The following KCP variants were observed in gnomAD, a reference collection of about 807,000 sequenced individuals.
KCP encodes kielin/chordin-like protein.
Under a neutral mutation model 212.7 loss-of-function variants are expected in KCP, and 194 were observed. The ratio of observed to expected loss-of-function variants is 0.91; its 90% CI spans 0.81 to 1.03. The LOEUF (loss-of-function observed/expected upper bound fraction) is 1.03, where lower values mean the gene tolerates loss of function less well. KCP is among the 50% of genes least tolerant of loss of function. The pLI is 0.00. For synonymous variants in KCP, 833 were observed against 865.3 expected, an observed-to-expected ratio of 0.96 and a Z score of 0.65; for missense variants, 2,080 against 2,162.5, an observed-to-expected ratio of 0.96 and a Z score of 0.76.
chr7:128,888,088 ACACATACC>A (rs1793810782), intron 22 of KCP, among the ~76,000 whole-genome samples: 1 of 147,326 alleles, frequency 6.8e-6, no homozygotes, highest in Non-Finnish European at 1.5e-5. Flanking sequence ...AGACACACAC[ACACATACC>A]CACATACACA....
Position 128,893,007 on chromosome 7 carries a change from C to T in KCP, c.1282G>A (p.Gly428Arg), listed in dbSNP as rs1415007508. Residue 428 changes from glycine (G) to arginine (R), a missense_variant, in exon 14 of 40, where the codon GGA (glycine) becomes AGA (arginine). By Grantham distance (125) the Gly-to-Arg change is moderately radical. Transcript: ENST00000610776. ...TGGACTCCCTCAGCAAACTCCTCTC[C>T]ATCCAGCTCACAGGCTGTAGTAAGG... ...RQLCPACELD[G>R]EEFAEGVQWE... 1 of 954,466 alleles carries T rather than the reference C, an allele frequency of 1.0e-6. No homozygotes were observed. The highest frequency in any genetic ancestry group is 1.7e-6 in the Non-Finnish European group (1 of 601,404). The allele number at this position is 954,466 out of a possible 1,614,324, so 59.1% of individuals were successfully genotyped here. A position where few individuals can be genotyped will look rare whatever the true frequency, so the allele number is the denominator to read the frequency against.
chr7:128,909,434 C>A (rs1448720588), intron 1 of KCP, among the ~76,000 whole-genome samples: 1 of 152,156 alleles, frequency 6.6e-6, no homozygotes, highest in Non-Finnish European at 1.5e-5. Context: ...CCCACTGTCA[C>A]CATCAAAGGC....
intron 22 of KCP, among the ~76,000 whole-genome samples, chr7:128,888,503 C>A (rs1217543947): frequency 1.3e-5 from 2 of 151,262 alleles, no homozygotes; most frequent in Non-Finnish European, 3.0e-5. Context: ...CCCACACAGG[C>A]CAACACACAC....
chr7:128,879,906 T>G lies in KCP; in HGVS notation c.3932+7A>C. On this transcript the variant is annotated splice_region_variant and intron_variant, in intron 35 of 39. Coordinates refer to ENST00000610776, the MANE Select transcript of KCP (RefSeq NM_001366122.1). ...GGTTGGGGAGAAGAGAGACAGGGGA[T>G]GCACACCTGAAGTCCCCGCTGTGGC... 2 of 1,551,160 alleles carry G rather than the reference T, an allele frequency of 1.3e-6. No homozygotes were observed. Among genetic ancestry groups the G allele is most frequent in the African/African-American group, 2.7e-5 (2 of 73,128 alleles).
rs1418095632 is a variant in KCP, at chr7:128,877,228, G to A, written c.4702C>T (p.Pro1568Ser). ...CPRTCFNQHIPLGELAAHCVR... is the reference protein window; with the variant it reads ...CPRTCFNQHISLGELAAHCVR... ...CAGTGGGCTGCCAGCTCCCCCAGGG[G>A]GATATGCTGATTGAAGCAGGTGCGG... Residue 1568 changes from proline to serine, a missense_variant, in exon 40 of 40, where the codon CCC becomes TCC. Coordinates refer to ENST00000610776, the MANE Select transcript of KCP (RefSeq NM_001366122.1). The A allele has an allele frequency of 2.0e-6, 3 of 1,482,294 alleles. No homozygotes were observed. Among genetic ancestry groups the A allele is most frequent in the East Asian group, 2.5e-5 (1 of 40,176 alleles). The allele number at this position is 1,482,294 out of a possible 1,614,324, so 91.8% of individuals were successfully genotyped here.
intron 8 of KCP, among the ~76,000 whole-genome samples, chr7:128,900,814 C>G (rs1030106525): frequency 6.6e-6 from 1 of 152,176 alleles, no homozygotes; most frequent in Non-Finnish European, 1.5e-5. Context: ...GAAGAAATTA[C>G]AAAAGATGGA....
In KCP at chr7:128,894,270, C is replaced by T. The variant is rs1396302452; in HGVS notation, c.855G>A (p.Gln285=). The part of the protein sequence containing the change: ...RCLEGHIQCR[Q]RECASLCPYP... ...ATGGACACAGGCTGGCACATTCTCG[C>T]TGGCGGCACTGGATGTGACCCTCCT... Residue 285 remains glutamine, a synonymous_variant, in exon 9 of 40, where the codon CAG becomes CAA. Coordinates refer to ENST00000610776, the MANE Select transcript of KCP (RefSeq NM_001366122.1). 6.5e-7 allele frequency: 1 copy of T among 1,543,542 alleles called. No homozygotes were observed. The highest frequency in any genetic ancestry group is 8.8e-7 in the Non-Finnish European group (1 of 1,141,678).
chr7:128,880,119 G>T, intron 34 of KCP, 34 bp from the exon 35 acceptor site: 1 of 1,486,046 alleles, frequency 6.7e-7, no homozygotes, highest in Non-Finnish European at 9.0e-7. Context: ...CAGACACACC[G>T]CCCTCCCCGC....
At chr7:128,910,287 C>G (rs761408955) in intron 1 of KCP, among the ~76,000 whole-genome samples, 3 of 152,218 alleles carry the variant, frequency 2.0e-5, no homozygotes, top group African/African-American at 7.2e-5. Flanking sequence ...GCTTCCACAG[C>G]GGGCCCCTTT....
In KCP at chr7:128,903,056, C is replaced by T. The variant is rs748824978; in HGVS notation, c.749-197G>A. ...AGGGTGAGGCCTCAGTTCCTTAGCCCGCCCTTTCTGGTCTTCCGTGGACAG... is the reference window on the plus strand; with the variant it reads ...AGGGTGAGGCCTCAGTTCCTTAGCCTGCCCTTTCTGGTCTTCCGTGGACAG... On this transcript the variant is annotated intron_variant, in intron 7 of 39. Transcript: ENST00000610776. The T allele has an allele frequency of 1.7e-5, 10 of 602,260 alleles. No individual in the cohort carries two copies. The Admixed American group carries it at 2.0e-4, about 12-fold the overall frequency. 37.3% of individuals were successfully genotyped at this position (602,260 alleles called of 1,614,324 possible). A position where few individuals can be genotyped will look rare whatever the true frequency, so the allele number is the denominator to read the frequency against.
At chr7:128,880,781 C>A (rs1793281693) in intron 32 of KCP, 60 bp from the exon 33 acceptor site, 2 of 404,004 alleles carry the variant, frequency 5.0e-6, no homozygotes, top group Non-Finnish European at 8.7e-6. Flanking sequence ...CAGCCTCATG[C>A]TTCTGGGGGC....
Position 128,885,123 on chromosome 7 carries a change from G to A in KCP, c.3014C>T (p.Pro1005Leu). The part of the protein sequence containing the change: ...ISSCAQPRQG[P>L]HDCCPQCSDC... ...AGAGCATTGAGGACAGCAGTCATGG[G>A]GCCCTTGGCGGGGCTGGGCGCAAGA... Residue 1005 changes from proline to leucine, a missense_variant, in exon 27 of 40, where the codon CCC becomes CTC. Physicochemically the swap from Pro to Leu is moderately conservative, Grantham distance 98. Transcript: ENST00000610776. 6.4e-7 allele frequency: 1 copy of A among 1,550,864 alleles called. No individual in the cohort carries two copies. Among genetic ancestry groups the A allele is most frequent in the Non-Finnish European group, 8.7e-7 (1 of 1,147,004 alleles).
Position 128,877,715 on chromosome 7 carries a change from G to T in KCP, c.4387C>A (p.Arg1463Ser), listed in dbSNP as rs748855812. The T allele has an allele frequency of 3.2e-6, 5 of 1,551,128 alleles. No homozygotes were observed. Among genetic ancestry groups the T allele is most frequent in the Non-Finnish European group, 3.5e-6 (4 of 1,146,956 alleles). The change falls in exon 39 of 40, where the codon CGT becomes AGT. Residue 1463 changes from arginine to serine, a missense_variant. Arg to Ser is a moderately radical substitution (Grantham distance 110). Coordinates refer to ENST00000610776, the MANE Select transcript of KCP (RefSeq NM_001366122.1). ...EVDPCRAAGY[R>S]ARREANARCG... Reference sequence around the variant, plus strand: ...CGGGCATTGGCCTCACGCCTGGCACGGTAACCTGCTGCCCGGCACGGATCC... The same window carrying T: ...CGGGCATTGGCCTCACGCCTGGCACTGTAACCTGCTGCCCGGCACGGATCC...
rs765876495 is a variant in KCP at position 128,884,083 on chromosome 7, G to A, written c.3163C>T (p.Arg1055Trp). ...CAGCCCACCAGGCTGGGACACTGCCGCCGGTGACAGCGAAGGCTGGGAGGC... is the reference window on the plus strand; with the variant it reads ...CAGCCCACCAGGCTGGGACACTGCCACCGGTGACAGCGAAGGCTGGGAGGC... ...EGPPSLRCHR[R>W]QCPSLVGCPP... The change falls in exon 29 of 40, where the codon CGG (arginine) becomes TGG (tryptophan). Residue 1055 changes from arginine (R) to tryptophan (W), a missense_variant. By Grantham distance (101) the Arg-to-Trp change is moderately radical (BLOSUM62 -3). Coordinates refer to ENST00000610776, the MANE Select transcript of KCP (RefSeq NM_001366122.1). The A allele has an allele frequency of 9.7e-6, 15 of 1,544,568 alleles. No individual in the cohort carries two copies. The highest frequency in any genetic ancestry group is 1.3e-5 in the Non-Finnish European group (15 of 1,145,210).
Position 128,894,023 on chromosome 7 carries a change from C to A in KCP, c.958G>T (p.Gly320Trp). Residue 320 changes from glycine (G) to tryptophan (W), a missense_variant, in exon 10 of 40, where the codon GGG becomes TGG. Transcript: ENST00000610776. ...CFLNGREHRS[G>W]EPVGSGDPCS... ...GGGTCCCCTGAGCCCACAGGCTCCC[C>A]GCTGCGGTGCTCCCGCCCGTTTAGG... The A allele has an allele frequency of 6.5e-7, 1 of 1,550,140 alleles. No homozygotes were observed. Among genetic ancestry groups the A allele is most frequent in the Non-Finnish European group, 8.7e-7 (1 of 1,146,440 alleles).
rs575032767 is a variant in KCP at position 128,891,048 on chromosome 7, C to G, written c.2021G>C (p.Arg674Pro). 1,507 of 1,374,074 alleles carry G rather than the reference C, an allele frequency of 1.1e-3. 18 individuals are homozygous for G. In the African/African-American group the frequency reaches 0.02, roughly 18 times the overall value. 85.1% of individuals were successfully genotyped at this position (1,374,074 alleles called of 1,614,324 possible). Residue 674 changes from arginine to proline, a missense_variant, in exon 20 of 40, where the codon CGC becomes CCC. Coordinates refer to ENST00000610776, the MANE Select transcript of KCP (RefSeq NM_001366122.1). ...GCPRPGAAHA[R>P]HQEYFSPPGD... ...GGGCGGGGAGAAGTACTCCTGGTGG[C>G]GGGCGTGGGCCGCGCCGGGCCGTGG...
rs955455733 is a variant in KCP at position 128,877,251 on chromosome 7, C to T, written c.4679G>A (p.Arg1560His). The part of the protein sequence containing the change: ...VFDECGPPCP[R>H]TCFNQHIPLG... ...GGGGATATGCTGATTGAAGCAGGTG[C>T]GGGGACAGGGTGGGCCGCACTCATC... The change falls in exon 40 of 40, where the codon CGC becomes CAC. Residue 1560 changes from arginine to histidine, a missense_variant. By Grantham distance (29) the Arg-to-His change is conservative (BLOSUM62 0). Coordinates refer to ENST00000610776, the MANE Select transcript of KCP (RefSeq NM_001366122.1). The T allele has an allele frequency of 1.3e-5, 19 of 1,487,442 alleles. No homozygotes were observed. Among genetic ancestry groups the T allele is most frequent in the African/African-American group, 4.3e-5 (3 of 70,254 alleles). 92.1% of individuals were successfully genotyped at this position (1,487,442 alleles called of 1,614,324 possible). A position where few individuals can be genotyped will look rare whatever the true frequency, so the allele number is the denominator to read the frequency against.
chr7:128,895,014 G>A (rs745512892), intron 8 of KCP, among the ~76,000 whole-genome samples: 49 of 152,274 alleles, frequency 3.2e-4, no homozygotes, highest in Non-Finnish European at 5.4e-4. Flanking sequence ...GAATGCCAGA[G>A]TTCACTAGCA....
At chr7:128,888,722 T>G (rs753443147) in intron 22 of KCP, 141 bp downstream of exon 22, 285 of 803,426 alleles carry the variant, frequency 3.5e-4, no homozygotes, top group Non-Finnish European at 4.7e-4. Context: ...GGGACCTCTA[T>G]CAAAGGTGAG....
Sources: gnomAD v4.1 joint callset for allele counts (sites outside exome capture counted in the v4.1 genomes callset) on GRCh38, gnomAD v4.1.1 for gene constraint, MANE v1.5 for transcripts, NCBI Gene and HGNC (gene_info 2026-07-23, HGNC 2026-07-21) for gene names.